PODNL1: variants seen among roughly 807,000 people sequenced by gnomAD.
The protein encoded by PODNL1 is podocan-like protein 1.
A neutral mutation model predicts 45.1 loss-of-function variants in PODNL1; 50 were observed. That is an observed-to-expected ratio of 1.11 (90% CI 0.88 to 1.40). The LOEUF (loss-of-function observed/expected upper bound fraction) is 1.40, where lower values mean the gene tolerates loss of function less well. PODNL1 is among the 40% of genes most tolerant of loss of function. The pLI is 0.00. For missense variants in PODNL1, 788 were observed against 793.3 expected, an observed-to-expected ratio of 0.99 and a Z score of 0.08; for synonymous variants, 406 against 372.5, an observed-to-expected ratio of 1.09 and a Z score of -1.04.
chr19:13,932,117 G>A lies in PODNL1; in HGVS notation c.1426-5C>T. The A allele has an allele frequency of 2.4e-6, 3 of 1,233,814 alleles. No individual in the cohort carries two copies. The highest frequency in any genetic ancestry group is 3.0e-6 in the Non-Finnish European group (3 of 989,206). 76.4% of individuals were successfully genotyped at this position (1,233,814 alleles called of 1,614,324 possible). ...ATTGTGGCTGAGGTCCAGCATCTGGGCAGGGGGTTATAGATGGCATCGTGG... is the reference window on the plus strand; with the variant it reads ...ATTGTGGCTGAGGTCCAGCATCTGGACAGGGGGTTATAGATGGCATCGTGG... On this transcript the variant is annotated splice_region_variant and splice_polypyrimidine_tract_variant and intron_variant, in intron 8 of 9. Transcript: ENST00000588872.
At chr19:13,950,255 C>T (rs942841520) in intron 1 of PODNL1, among the ~76,000 whole-genome samples, 5 of 152,122 alleles carry the variant, frequency 3.3e-5, no homozygotes, top group Admixed American at 6.6e-5. Context: ...GCAGCCTTGA[C>T]CTCCTGGGCT....
At position 13,931,221 on chromosome 19, in the gene PODNL1, G is replaced by C. The variant is rs1049892825; in HGVS notation, c.*516C>G. ...GCATTTCATTCCCATGCTTGCTGTG[G>C]GGGGGGATACATGTGAGGGTCCCTA... On this transcript the variant is annotated 3_prime_UTR_variant, in exon 10 of 10. Coordinates refer to ENST00000588872, the MANE Select transcript of PODNL1 (RefSeq NM_001370095.3). 3.3e-5 allele frequency: 5 copies of C among 152,996 alleles called. No homozygotes were observed. The highest frequency in any genetic ancestry group is 4.8e-5 in the African/African-American group (2 of 41,398). 9.5% of individuals were successfully genotyped at this position (152,996 alleles called of 1,614,324 possible).
At position 13,936,397 on chromosome 19, in the gene PODNL1, T is replaced by A; in HGVS notation, c.289A>T (p.Asn97Tyr). The change falls in exon 3 of 10, where the codon AAC becomes TAC. Residue 97 changes from asparagine (N) to tyrosine (Y), a missense_variant. Transcript: ENST00000588872. ...GAGGAGATGAGGTTGTTGTGGAGGT[T>A]GAGGGTTCGCAGGCCACTGAGGCGG... Reference protein sequence around the residue: ...LSRLSGLRTLNLHNNLISSEG... With the variant: ...LSRLSGLRTLYLHNNLISSEG... 6.2e-7 allele frequency: 1 copy of A among 1,613,460 alleles called. No homozygotes were observed. Among genetic ancestry groups the A allele is most frequent in the Non-Finnish European group, 8.5e-7 (1 of 1,179,608 alleles).
intron 1 of PODNL1, among the ~76,000 whole-genome samples, chr19:13,945,460 G>A (rs1276301710): frequency 1.3e-5 from 2 of 151,854 alleles, no homozygotes; most frequent in Non-Finnish European, 2.9e-5. Flanking sequence ...TTCAAGACCA[G>A]CCTGAGAAAC....
chr19:13,939,440 G>C (rs964763517), upstream of PODNL1, among the ~76,000 whole-genome samples: 1 of 152,060 alleles, frequency 6.6e-6, no homozygotes, highest in Non-Finnish European at 1.5e-5. Context: ...TCGAACTCCT[G>C]ACCTCAGGTG....
chr19:13,940,114 G>A (rs1008021273), upstream of PODNL1: 3 of 152,074 alleles, frequency 2.0e-5, no homozygotes, highest in African/African-American at 7.2e-5. Flanking sequence ...GCAGAACGAG[G>A]CAGTGGGTAG....
Position 13,948,357 on chromosome 19 carries a change from C to T in PODNL1, c.18+4762G>A, listed in dbSNP as rs1187434274. On this transcript the variant is annotated intron_variant, in intron 1 of 7. Coordinates refer to the PODNL1 transcript ENST00000538371. Reference sequence around the variant, plus strand: ...CTGGGACTACAGGCGCCCGCCACCACGCCCGGCTAATTTTTTTTTTTTTTT... The same window carrying T: ...CTGGGACTACAGGCGCCCGCCACCATGCCCGGCTAATTTTTTTTTTTTTTT... Among the ~76,000 whole-genome samples, 5 of 144,960 alleles carry T rather than the reference C, an allele frequency of 3.4e-5. No homozygotes were observed. In the East Asian group the frequency reaches 1.0e-3, roughly 29 times the overall value.
At chr19:13,935,953 G>C (rs369046062) in intron 4 of PODNL1, 27 bp downstream of exon 4, 1 of 1,550,218 alleles carries the variant, frequency 6.5e-7, no homozygotes, top group Non-Finnish European at 8.7e-7. Flanking sequence ...CACTGGGCTC[G>C]GCCTGCGGGT....
chr19:13,952,411 CG>C, intron 1 of PODNL1: 1 of 1,229,192 alleles, frequency 8.1e-7, no homozygotes, highest in Non-Finnish European at 1.0e-6. Context: ...TGCGGGCTTT[CG>C]CCCAACCGGC....
upstream of PODNL1, chr19:13,939,949 G>A (rs1345158212): frequency 6.6e-6 from 1 of 152,104 alleles, no homozygotes; most frequent in African/African-American, 2.4e-5. Flanking sequence ...GCCAAGGCAG[G>A]AGGAACACTT....
upstream of PODNL1, among the ~76,000 whole-genome samples, chr19:13,942,870 G>A (rs1373524298): frequency 6.6e-6 from 1 of 151,814 alleles, no homozygotes; most frequent in Non-Finnish European, 1.5e-5. Flanking sequence ...GTATGGTGGT[G>A]CACACCTGTA....
Position 13,933,277 on chromosome 19 carries a change from G to C in PODNL1, c.946C>G (p.Leu316Val), listed in dbSNP as rs1972093932. The C allele has an allele frequency of 6.4e-6, 10 of 1,569,278 alleles. No homozygotes were observed. The highest frequency in any genetic ancestry group is 8.6e-6 in the Non-Finnish European group (10 of 1,162,710). The change falls in exon 8 of 10, where the codon CTG (leucine) becomes GTG (valine). Residue 316 changes from leucine to valine, a missense_variant. Leu to Val is a conservative substitution (Grantham distance 32). Transcript: ENST00000588872. The surrounding 1 kb of genome is among the most constrained non-coding windows in gnomAD (Gnocchi z 5.2). ...LRYLLLQHNQ[L>V]GSSGLPAGAL... is the part of the protein sequence containing the mutation. ...CCGGCGGGCAGCCCTGAGCTCCCCA[G>C]CTGGTTGTGCTGCAGCAACAAATAG...
At position 13,947,799 on chromosome 19, in the gene PODNL1, G is replaced by C. The variant is rs537015265; in HGVS notation, c.18+5320C>G. Among the ~76,000 whole-genome samples, 26 of 152,220 alleles carry C rather than the reference G, an allele frequency of 1.7e-4. 1 individual carries two copies. The highest frequency in any genetic ancestry group is 5.5e-4 in the African/African-American group (23 of 41,516). On this transcript the variant is annotated intron_variant, in intron 1 of 7. Transcript: ENST00000538371. ...CTCCTTGCCCCTATCCCAATATCTT[G>C]TCCTTGAAAATGACCCCATCGGCTC...
At position 13,931,763 on chromosome 19, in the gene PODNL1, G is replaced by A. The variant is rs768372196; in HGVS notation, c.1699C>T (p.Arg567Cys). ...VLIRLPPTTP[R>C]GPRAGGP is the part of the protein sequence containing the mutation. ...CAGGGGCCCCCTGCCCGTGGCCCACGTGGGGTGGTGGGAGGCAGCCGGATC... is the reference window on the plus strand; with the variant it reads ...CAGGGGCCCCCTGCCCGTGGCCCACATGGGGTGGTGGGAGGCAGCCGGATC... Residue 567 changes from arginine to cysteine, a missense_variant, in exon 10 of 10, where the codon CGT (arginine) becomes TGT (cysteine). Arg to Cys is a radical substitution (Grantham distance 180). Transcript: ENST00000588872. The A allele has an allele frequency of 4.2e-5, 52 of 1,231,764 alleles. No homozygotes were observed. Among genetic ancestry groups the A allele is most frequent in the African/African-American group, 1.2e-4 (8 of 64,418 alleles). 76.3% of individuals were successfully genotyped at this position (1,231,764 alleles called of 1,614,324 possible).
chr19:13,952,678 G>A, intron 1 of PODNL1: 1 of 1,284,816 alleles, frequency 7.8e-7, no homozygotes, highest in Non-Finnish European at 9.8e-7. Context: ...GAGCGCGCCG[G>A]AGGGTGGGGA....
At chr19:13,940,320 C>G (rs1039531090), upstream of PODNL1, among the ~76,000 whole-genome samples, 3 of 151,568 alleles carry the variant, frequency 2.0e-5, no homozygotes, top group African/African-American at 7.3e-5. Context: ...ACCTGTAATC[C>G]CAGCACTTTG....
At chr19:13,936,233 C>A (rs1377390613) in intron 3 of PODNL1, 134 bp downstream of exon 3, 1 of 1,031,054 alleles carries the variant, frequency 9.7e-7, no homozygotes, top group Non-Finnish European at 1.5e-6. Context: ...CCTGAGTTTC[C>A]ATCCTGCTCA....
rs746917998 is a variant in PODNL1, at chr19:13,934,302, G to C, written c.603C>G (p.Ser201Arg). The change falls in exon 6 of 10, where the codon AGC (serine) becomes AGG (arginine). Residue 201 changes from serine (S) to arginine (R), a missense_variant. Coordinates refer to ENST00000588872, the MANE Select transcript of PODNL1 (RefSeq NM_001370095.3). ...AGGGCGGCAGGCTGGGCGGCAGGTA[G>C]CTGAGCTGGTTGTTGGAGAGGCTGA... ...ATLSLSNNQL[S>R]YLPPSLPPSL... 14 of 1,543,476 alleles carry C rather than the reference G, an allele frequency of 9.1e-6. No homozygotes were observed. The highest frequency in any genetic ancestry group is 2.1e-4 in the Middle Eastern group (1 of 4,742).
chr19:13,932,151 G>A lies in PODNL1; in HGVS notation c.1426-39C>T, dbSNP rs902288727. 1.8e-5 allele frequency: 22 copies of A among 1,235,524 alleles called. 1 individual carries two copies. In the South Asian group the frequency reaches 4.9e-4, roughly 27 times the overall value. The allele number at this position is 1,235,524 out of a possible 1,614,324, so 76.5% of individuals were successfully genotyped here. ...TATAGATGGCATCGTGGCAGCCCCAGGCCTGGGCCACTCAGCTCAGCCAGC... is the reference window on the plus strand; with the variant it reads ...TATAGATGGCATCGTGGCAGCCCCAAGCCTGGGCCACTCAGCTCAGCCAGC... On this transcript the variant is annotated intron_variant, in intron 8 of 9. Transcript: ENST00000588872.
Sources: gnomAD v4.1 joint callset for allele counts (sites outside exome capture counted in the v4.1 genomes callset) on GRCh38, gnomAD v4.1.1 for gene constraint, Gnocchi (gnomAD v3.1) non-coding constraint, MANE v1.5 for transcripts, NCBI Gene and HGNC (gene_info 2026-07-23, HGNC 2026-07-21) for gene names.